The following DNAH3 variants were observed in gnomAD, a reference collection of about 807,000 sequenced individuals.
DNAH3 encodes axonemal beta dynein heavy chain 3.
Under a neutral mutation model 432.5 loss-of-function variants are expected in DNAH3, and 332 were observed. The ratio of observed to expected loss-of-function variants is 0.77; its 90% CI spans 0.70 to 0.84. The LOEUF is 0.84. Ranked by LOEUF, DNAH3 falls within the 40% of genes least tolerant of loss-of-function variation. DNAH3 has a pLI of 0.00. For missense variants in DNAH3, 4,861 were observed against 5,114.0 expected, an observed-to-expected ratio of 0.95 and a Z score of 1.51; for synonymous variants, 1,956 against 1,900.2, an observed-to-expected ratio of 1.03 and a Z score of -0.76.
At chr16:21,135,668 A>G (rs1195212656) in intron 6 of DNAH3, among the ~76,000 whole-genome samples, 1 of 152,094 alleles carries the variant, frequency 6.6e-6, no homozygotes, top group Non-Finnish European at 1.5e-5. Context: ...CTGCAGTTGC[A>G]GTGAGCAGAG....
At chr16:20,983,161 T>C (rs2085996029) in intron 48 of DNAH3, among the ~76,000 whole-genome samples, 1 of 152,236 alleles carries the variant, frequency 6.6e-6, no homozygotes, top group Admixed American at 6.5e-5. Context: ...ATTCTTGCTC[T>C]GTCACCCAGA....
intron 44 of DNAH3, among the ~76,000 whole-genome samples, chr16:20,988,731 CT>C (rs1433381493): frequency 6.6e-6 from 1 of 152,246 alleles, no homozygotes; most frequent in Non-Finnish European, 1.5e-5. Context: ...CTTAGTCTCA[CT>C]GACTTCAAAA....
chr16:21,123,915 C>T (rs949328014), intron 9 of DNAH3, among the ~76,000 whole-genome samples: 4 of 152,030 alleles, frequency 2.6e-5, no homozygotes, highest in Admixed American at 2.0e-4. Context: ...GCCTCAGTCT[C>T]CTGAGTAGCT....
chr16:20,965,109 T>C lies in DNAH3; in HGVS notation c.8775A>G (p.Lys2925=), dbSNP rs542974362. 159 of 1,614,042 alleles carry C rather than the reference T, an allele frequency of 9.9e-5. 1 individual carries two copies. The highest frequency in any genetic ancestry group is 1.8e-4 in the Admixed American group (11 of 59,992). ...CTACCACCAGCTTCAGCTCTGCTCT[T>C]TTCTGGTTCAGCTTCTGCATCTGTG... is the stretch of plus-strand genomic sequence containing the variant. Residue 2925 remains lysine, a synonymous_variant, in exon 53 of 62, where the codon AAA becomes AAG. Coordinates refer to ENST00000261383, the Ensembl canonical transcript of DNAH3.
Position 20,963,705 on chromosome 16 carries a change from C to T in DNAH3, c.10179G>A (p.Trp3393Ter). 1 of 1,613,972 alleles carries T rather than the reference C, an allele frequency of 6.2e-7. No homozygotes were observed. The highest frequency in any genetic ancestry group is 8.5e-7 in the Non-Finnish European group (1 of 1,180,000). ...CGATGCCTCCAGTGAGAAGGAAGTA[C>T]CACACCTCCTCCGTAATTTCCTTCT... Residue 3393 changes from tryptophan (W) to a stop codon, truncating the protein, a stop_gained, in exon 53 of 62, where the codon TGG becomes TGA. Transcript: ENST00000261383. LOFTEE classifies it high-confidence loss of function.
chr16:21,143,687 T>C (rs1457347219), intron 3 of DNAH3, among the ~76,000 whole-genome samples: 1 of 152,150 alleles, frequency 6.6e-6, no homozygotes, highest in African/African-American at 2.4e-5. Context: ...AGCAGGAACA[T>C]GCAAAAGCAG....
At chr16:20,948,732 T>C (rs948027560) in intron 56 of DNAH3, 95 bp from the exon 57 acceptor site, 1 of 1,381,338 alleles carries the variant, frequency 7.2e-7, no homozygotes, top group Non-Finnish European at 1.0e-6. Flanking sequence ...CGGCCAAAGA[T>C]CTCTGCTGGG....
chr16:21,063,668 G>A (rs961084091), intron 24 of DNAH3, among the ~76,000 whole-genome samples: 2 of 151,652 alleles, frequency 1.3e-5, no homozygotes, highest in South Asian at 2.1e-4. Context: ...TCAGCCTCCC[G>A]AGTAGCTGGG....
chr16:21,084,166 G>C (rs2091288022), intron 19 of DNAH3, among the ~76,000 whole-genome samples: 1 of 152,082 alleles, frequency 6.6e-6, no homozygotes, highest in African/African-American at 2.4e-5. Flanking sequence ...CCGTGAAATG[G>C]AGATAATAAT....
intron 6 of DNAH3, among the ~76,000 whole-genome samples, chr16:21,135,036 T>G (rs1023949353): frequency 1.3e-5 from 2 of 152,170 alleles, no homozygotes; most frequent in African/African-American, 4.8e-5. Context: ...ATTTGCAAGG[T>G]CATGGGTAAT....
intron 21 of DNAH3, among the ~76,000 whole-genome samples, chr16:21,074,671 G>C (rs61286689): frequency 0.024 from 3,581 of 152,164 alleles, 145 homozygotes; most frequent in African/African-American, 0.081. Flanking sequence ...CCGAGATCAC[G>C]CAGTTGCACT....
chr16:21,007,537 T>G (rs1176771528), intron 41 of DNAH3, among the ~76,000 whole-genome samples: 2 of 152,160 alleles, frequency 1.3e-5, no homozygotes, highest in Non-Finnish European at 2.9e-5. Context: ...ATTCAGATAT[T>G]TTGCCCATTT....
chr16:20,944,696 G>C, intron 57 of DNAH3, 33 bp from the exon 58 acceptor site: 2 of 1,611,404 alleles, frequency 1.2e-6, no homozygotes, highest in Non-Finnish European at 1.7e-6. Flanking sequence ...AAATCAACGA[G>C]GGACCCCAGA....
At chr16:20,936,619 G>A in intron 60 of DNAH3, 30 bp downstream of exon 60, 1 of 1,557,466 alleles carries the variant, frequency 6.4e-7, no homozygotes. Flanking sequence ...AAGCATGCCA[G>A]GTTCCCGGTT....
At chr16:21,069,591 A>G in exon 23 of DNAH3, 2 of 1,609,802 alleles carry the variant, frequency 1.2e-6, no homozygotes, top group Non-Finnish European at 1.7e-6. Flanking sequence ...TTTTCTTCCC[A>G]TTTCTGTGAA....
chr16:20,974,548 G>A (rs1008667391), intron 51 of DNAH3, among the ~76,000 whole-genome samples: 1 of 149,874 alleles, frequency 6.7e-6, no homozygotes, highest in Non-Finnish European at 1.5e-5. Flanking sequence ...GGACTACATG[G>A]GTGTGCCACT....
intron 1 of DNAH3, chr16:21,159,269 T>G: frequency 6.8e-7 from 1 of 1,466,590 alleles, no homozygotes; most frequent in Non-Finnish European, 9.6e-7. Context: ...TCGACTCCCC[T>G]CTGAGTTCCC....
intron 16 of DNAH3, among the ~76,000 whole-genome samples, chr16:21,101,187 A>C (rs1439629547): frequency 6.6e-6 from 1 of 152,184 alleles, no homozygotes; most frequent in Non-Finnish European, 1.5e-5. Context: ...TTATCATCTA[A>C]GACAAAGCCT....
chr16:20,938,572 A>G (rs1481727588), intron 59 of DNAH3, among the ~76,000 whole-genome samples: 1 of 151,532 alleles, frequency 6.6e-6, no homozygotes, highest in Non-Finnish European at 1.5e-5. Context: ...TTAGTACCCA[A>G]GGAAAGAACA....
Sources: gnomAD v4.1 joint callset for allele counts (sites outside exome capture counted in the v4.1 genomes callset) on GRCh38, gnomAD v4.1.1 for gene constraint, MANE v1.5 for transcripts, NCBI Gene and HGNC (gene_info 2026-07-23, HGNC 2026-07-21) for gene names.